The following ANO3 variants were observed in gnomAD, a reference collection of about 807,000 sequenced individuals.
ANO3 encodes anoctamin-3.
Under a neutral mutation model 144.8 loss-of-function variants are expected in ANO3, and 99 were observed. That is an observed-to-expected ratio of 0.68 (90% CI 0.58 to 0.81). The LOEUF is 0.81. ANO3 is among the 30% of genes least tolerant of loss of function. ANO3 has a pLI of 0.00. For synonymous variants in ANO3, 414 were observed against 392.6 expected (o/e 1.05, Z -0.64); for missense variants, 905 against 1,202.2 (o/e 0.75, Z 3.66).
chr11:26,222,081 T>G (rs1564922764), intron 1 of ANO3, among the ~76,000 whole-genome samples: 1 of 152,184 alleles, frequency 6.6e-6, no homozygotes. Context: ...TCTAAAGTCC[T>G]AAGTCTCATC....
At chr11:26,571,200 A>C (rs1323619152) in intron 14 of ANO3, among the ~76,000 whole-genome samples, 2 of 152,100 alleles carry the variant, frequency 1.3e-5, no homozygotes, top group Non-Finnish European at 2.9e-5. Flanking sequence ...TTTCTCCGAA[A>C]GGAAAGTTCT....
At chr11:26,626,762 G>A (rs1011719766) in intron 18 of ANO3, among the ~76,000 whole-genome samples, 5 of 150,268 alleles carry the variant, frequency 3.3e-5, no homozygotes, top group South Asian at 2.1e-4. Context: ...ACATTCGGAT[G>A]TTTCTTATCA....
chr11:26,318,499 A>G (rs1337823409), intron 1 of ANO3, among the ~76,000 whole-genome samples: 1 of 152,252 alleles, frequency 6.6e-6, no homozygotes, highest in Non-Finnish European at 1.5e-5. Context: ...ATCTGTTAAA[A>G]GAAATAGAAA....
chr11:26,319,887 A>G (rs1172465633), intron 1 of ANO3, among the ~76,000 whole-genome samples: 1 of 152,146 alleles, frequency 6.6e-6, no homozygotes, highest in Non-Finnish European at 1.5e-5. Context: ...CAGCAGAATA[A>G]TAACTATTTT....
rs540798841 is a variant in ANO3 at position 26,210,916 on chromosome 11, T to C, written c.154+21586T>C. On this transcript the variant is annotated intron_variant, in intron 1 of 27. Transcript: ENST00000672621. ...CCCACATAATAATAGTGGGAGTCTT[T>C]AACACCCCACTGTCAATATTAGACA... 4.8e-4 allele frequency among the ~76,000 whole-genome samples: 73 copies of C among 152,112 alleles called. 1 individual carries two copies. Among genetic ancestry groups the C allele is most frequent in the Admixed American group, 1.4e-3 (21 of 15,256 alleles).
chr11:26,192,536 A>G (rs944916879), intron 1 of ANO3, among the ~76,000 whole-genome samples: 2 of 152,248 alleles, frequency 1.3e-5, no homozygotes, highest in Admixed American at 6.5e-5. Flanking sequence ...AACAGTGTTT[A>G]TACCTTTCAT....
At chr11:26,329,254 A>C (rs1014403305), upstream of ANO3, among the ~76,000 whole-genome samples, 3 of 151,654 alleles carry the variant, frequency 2.0e-5, no homozygotes, top group Non-Finnish European at 4.4e-5. Flanking sequence ...GCTTTTGCTC[A>C]AACTCTTCTT....
chr11:26,353,843 C>T (rs1441452285), intron 1 of ANO3, among the ~76,000 whole-genome samples: 1 of 152,218 alleles, frequency 6.6e-6, no homozygotes, highest in Non-Finnish European at 1.5e-5. Flanking sequence ...GCTGGGATTA[C>T]AGGCATGAGC....
intron 4 of ANO3, among the ~76,000 whole-genome samples, chr11:26,493,887 T>TA (rs1860816959): frequency 6.6e-6 from 1 of 152,198 alleles, no homozygotes. Flanking sequence ...AAACTCTAAA[T>TA]ACCTTCTTTC....
chr11:26,450,021 G>A (rs138246889), intron 3 of ANO3, among the ~76,000 whole-genome samples: 11 of 152,210 alleles, frequency 7.2e-5, no homozygotes, highest in Middle Eastern at 3.4e-3. Context: ...CTCCCAAAGC[G>A]CTGGGATTTC....
At chr11:26,366,596 A>G (rs1485720103) in intron 1 of ANO3, among the ~76,000 whole-genome samples, 1 of 152,170 alleles carries the variant, frequency 6.6e-6, no homozygotes, top group Non-Finnish European at 1.5e-5. Flanking sequence ...TCCCACCAAC[A>G]GTGTAAAAGT....
intron 1 of ANO3, among the ~76,000 whole-genome samples, chr11:26,346,620 A>C (rs762541375): frequency 2.0e-5 from 3 of 152,202 alleles, no homozygotes; most frequent in Non-Finnish European, 4.4e-5. Context: ...AATGACAAGG[A>C]ACCAGAGATC....
intron 1 of ANO3, among the ~76,000 whole-genome samples, chr11:26,276,269 G>A (rs962922031): frequency 3.6e-4 from 55 of 152,040 alleles, no homozygotes; most frequent in African/African-American, 1.3e-3. Context: ...GAAAAATGCA[G>A]ATACCTAAAC....
chr11:26,635,054 G>A lies in ANO3; in HGVS notation c.2027G>A (p.Arg676Gln), dbSNP rs748771640. 23 of 1,613,338 alleles carry A rather than the reference G, an allele frequency of 1.4e-5. No individual in the cohort carries two copies. Among genetic ancestry groups the A allele is most frequent in the African/African-American group, 4.0e-5 (3 of 74,894 alleles). Residue 676 changes from arginine (R) to glutamine (Q), a missense_variant, in exon 20 of 27, where the codon CGG becomes CAG. Around this residue, in one of 4 missense-constraint regions of ANO3, gnomAD observed 597 missense variants for 865.1 expected, o/e 0.69. Transcript: ENST00000256737. ...GGAAAATACAATAAACTTTTTGACC[G>A]GTGGAGACTGGAGGAAGTAAGTAAC... is the stretch of plus-strand genomic sequence containing the variant. ...HPGKYNKLFDRWRLEECHPSG... is the reference protein window; with the variant it reads ...HPGKYNKLFDQWRLEECHPSG...
At chr11:26,393,660 A>G (rs1856935614) in intron 1 of ANO3, among the ~76,000 whole-genome samples, 1 of 152,198 alleles carries the variant, frequency 6.6e-6, no homozygotes, top group African/African-American at 2.4e-5. Context: ...TTTAGTTTTC[A>G]GAAGGTATTC....
chr11:26,596,482 C>G (rs180934758), intron 14 of ANO3, among the ~76,000 whole-genome samples: 1 of 152,118 alleles, frequency 6.6e-6, no homozygotes, highest in Admixed American at 6.5e-5. Flanking sequence ...TGGTGGGGAA[C>G]GGGTCCCACA....
intron 5 of ANO3, among the ~76,000 whole-genome samples, chr11:26,514,656 G>A (rs1340539518): frequency 6.6e-6 from 1 of 151,976 alleles, no homozygotes; most frequent in Non-Finnish European, 1.5e-5. Flanking sequence ...TTGGTGAGAG[G>A]CAAGTTGGTG....
intron 26 of ANO3, among the ~76,000 whole-genome samples, chr11:26,656,883 T>G (rs1047210512): frequency 6.6e-6 from 1 of 152,082 alleles, no homozygotes; most frequent in East Asian, 1.9e-4. Flanking sequence ...AGTTGATCAC[T>G]TATATATTTG....
chr11:26,229,420 T>A (rs528202494), intron 1 of ANO3, among the ~76,000 whole-genome samples: 3 of 152,316 alleles, frequency 2.0e-5, no homozygotes, highest in African/African-American at 7.2e-5. Context: ...AAACCCTATG[T>A]TGTTAACTCA....
Sources: gnomAD v4.1 joint callset for allele counts (sites outside exome capture counted in the v4.1 genomes callset) on GRCh38, gnomAD v4.1.1 for gene constraint, gnomAD v4.1.1 regional missense constraint, MANE v1.5 for transcripts, NCBI Gene and HGNC (gene_info 2026-07-23, HGNC 2026-07-21) for gene names.